ANKH: variants seen among roughly 807,000 people sequenced by gnomAD.
ANKH encodes the protein ANKH inorganic pyrophosphate transport regulator.
A neutral mutation model predicts 49.0 loss-of-function variants in ANKH; 15 were observed. The ratio of observed to expected loss-of-function variants is 0.31; its 90% confidence interval spans 0.20 to 0.47. The LOEUF (loss-of-function observed/expected upper bound fraction) is 0.47. Ranked by LOEUF, ANKH falls within the 20% of genes least tolerant of loss-of-function variation. The probability of loss-of-function intolerance (pLI) is 1.00; values close to 1 mark genes in which losing one functional copy is unlikely to be tolerated. For missense variants in ANKH, 429 were observed against 652.0 expected, an observed-to-expected ratio of 0.66 and a Z score of 3.72; for synonymous variants, 273 against 260.0, an observed-to-expected ratio of 1.05 and a Z score of -0.48.
rs1297043788 is a variant in ANKH at position 14,871,534 on chromosome 5, A to ACGGGGCGT, written c.-88_-87insACGCCCCG. On this transcript the variant is annotated 5_prime_UTR_variant, in exon 1 of 12. Transcript: ENST00000284268. ...CGAGGGGCGACGGGGCGACGGGGCGAGCGGGGCGCGGGCCGACAGAGGCCG... is the reference window on the plus strand; with the variant it reads ...CGAGGGGCGACGGGGCGACGGGGCGACGGGGCGTGCGGGGCGCGGGCCGACAGAGGCCG... 444 of 920,700 alleles carry ACGGGGCGT rather than the reference A, an allele frequency of 4.8e-4. 1 individual carries two copies. The highest frequency in any genetic ancestry group is 1.3e-3 in the South Asian group (78 of 58,012). 57.0% of individuals were successfully genotyped at this position (920,700 alleles called of 1,614,324 possible).
intron 1 of ANKH, among the ~76,000 whole-genome samples, chr5:14,786,654 TTAAAA>T (rs1406561311): frequency 2.6e-5 from 4 of 152,138 alleles, no homozygotes; most frequent in Non-Finnish European, 5.9e-5. Flanking sequence ...ATTTTAAAAA[TTAAAA>T]TAAATGGTAA....
intron 1 of ANKH, among the ~76,000 whole-genome samples, chr5:14,858,754 TAAATAA>T (rs1316143528): frequency 1.0e-4 from 10 of 96,286 alleles, no homozygotes; most frequent in East Asian, 3.3e-4. Flanking sequence ...AATAAATAAA[TAAATAA>T]AATAAAATAA....
rs1353423989 is a variant in ANKH at position 14,770,340 on chromosome 5, C to G, written c.97-1149G>C. Among the ~76,000 whole-genome samples the G allele has an allele frequency of 1.3e-5, 2 of 152,082 alleles. No homozygotes were observed. Among genetic ancestry groups the G allele is most frequent in the African/African-American group, 2.4e-5 (1 of 41,392 alleles). On this transcript the variant is annotated intron_variant, in intron 1 of 11. Coordinates refer to ENST00000284268, the MANE Select transcript of ANKH (RefSeq NM_054027.6). This position sits in a 1 kb window ranked among gnomAD's most constrained non-coding sequence, Gnocchi z 4.1. ...TATTACTCAAAGACCAGACAGTAGT[C>G]CCCCCTTATCCTTAGGGGATACATT...
At chr5:14,793,079 A>T (rs1740254385) in intron 1 of ANKH, among the ~76,000 whole-genome samples, 1 of 118,788 alleles carries the variant, frequency 8.4e-6, no homozygotes, top group Non-Finnish European at 1.7e-5. Context: ...AAATATATAA[A>T]AATATATATA....
chr5:14,802,649 G>A (rs1328955367), intron 1 of ANKH, among the ~76,000 whole-genome samples: 2 of 151,738 alleles, frequency 1.3e-5, no homozygotes, highest in Non-Finnish European at 1.5e-5. Flanking sequence ...CTAGATTCCA[G>A]ACACAAGGCG....
At chr5:14,799,949 A>T (rs1740519461) in intron 1 of ANKH, among the ~76,000 whole-genome samples, 1 of 152,172 alleles carries the variant, frequency 6.6e-6, no homozygotes, top group Non-Finnish European at 1.5e-5. Flanking sequence ...AGGATAGTGA[A>T]AACCTTCTGG....
At chr5:14,783,767 G>A (rs1036856931) in intron 1 of ANKH, among the ~76,000 whole-genome samples, 1 of 152,192 alleles carries the variant, frequency 6.6e-6, no homozygotes, top group African/African-American at 2.4e-5. Context: ...TAAAATTAAA[G>A]TGCTTTGAAA....
chr5:14,858,578 T>C (rs915178502), intron 1 of ANKH, among the ~76,000 whole-genome samples: 15 of 151,942 alleles, frequency 9.9e-5, no homozygotes, highest in African/African-American at 3.6e-4. Flanking sequence ...TAGCCAGGCA[T>C]GGTGGGTAAT....
At chr5:14,724,984 C>T (rs1173332043) in intron 8 of ANKH, among the ~76,000 whole-genome samples, 1 of 151,882 alleles carries the variant, frequency 6.6e-6, no homozygotes. Flanking sequence ...ACATATGCAG[C>T]TGTTTTGAAT....
intron 1 of ANKH, among the ~76,000 whole-genome samples, chr5:14,791,653 A>G (rs1171237311): frequency 6.6e-6 from 1 of 152,172 alleles, no homozygotes; most frequent in Non-Finnish European, 1.5e-5. Context: ...ATTTATCCTC[A>G]TTGAATTTGA....
At chr5:14,726,788 G>A (rs1737836723) in intron 8 of ANKH, among the ~76,000 whole-genome samples, 1 of 152,232 alleles carries the variant, frequency 6.6e-6, no homozygotes, top group African/African-American at 2.4e-5. Flanking sequence ...CCGAAAGCAG[G>A]CAATATGTGA....
chr5:14,836,500 A>G (rs930933792), intron 1 of ANKH, among the ~76,000 whole-genome samples: 2 of 152,224 alleles, frequency 1.3e-5, no homozygotes, highest in African/African-American at 2.4e-5. Context: ...CCAAATCATG[A>G]GTGAACTCCC....
intron 8 of ANKH, among the ~76,000 whole-genome samples, chr5:14,734,254 A>AC (rs1253277316): frequency 6.9e-6 from 1 of 144,234 alleles, no homozygotes; most frequent in Non-Finnish European, 1.5e-5. Flanking sequence ...CAAACCACTC[A>AC]CCCCCGTCAC....
At chr5:14,855,229 T>C (rs1333336198) in intron 1 of ANKH, among the ~76,000 whole-genome samples, 2 of 152,226 alleles carry the variant, frequency 1.3e-5, no homozygotes, top group Admixed American at 6.5e-5. Context: ...ATTCCTTCTA[T>C]AGGATCCCAG....
intron 1 of ANKH, among the ~76,000 whole-genome samples, chr5:14,814,811 T>TG (rs1740984038): frequency 1.3e-5 from 2 of 152,230 alleles, no homozygotes; most frequent in Non-Finnish European, 2.9e-5. Context: ...TAGCACCTCT[T>TG]GGAGTCAATC....
chr5:14,815,421 C>T (rs1329402731), intron 1 of ANKH, among the ~76,000 whole-genome samples: 1 of 152,176 alleles, frequency 6.6e-6, no homozygotes, highest in East Asian at 1.9e-4. Flanking sequence ...AAGAACACTG[C>T]CACTGCCTTG....
chr5:14,865,921 A>G (rs1735630900), intron 1 of ANKH, among the ~76,000 whole-genome samples: 1 of 152,236 alleles, frequency 6.6e-6, no homozygotes, highest in Non-Finnish European at 1.5e-5. Context: ...TATTCCAGGA[A>G]TTGTCACAAT....
intron 1 of ANKH, among the ~76,000 whole-genome samples, chr5:14,818,418 G>A (rs936617877): frequency 1.3e-5 from 2 of 151,928 alleles, no homozygotes; most frequent in Non-Finnish European, 2.9e-5. Context: ...GGCAGGTATG[G>A]ATCACCTGAG....
chr5:14,813,397 T>A (rs980007232), intron 1 of ANKH, among the ~76,000 whole-genome samples: 1 of 152,170 alleles, frequency 6.6e-6, no homozygotes, highest in South Asian at 2.1e-4. Flanking sequence ...TTAATGTGAA[T>A]TGTCATCTGA....
Sources: gnomAD v4.1 joint callset for allele counts (sites outside exome capture counted in the v4.1 genomes callset) on GRCh38, gnomAD v4.1.1 for gene constraint, Gnocchi (gnomAD v3.1) non-coding constraint, MANE v1.5 for transcripts, NCBI Gene and HGNC (gene_info 2026-07-23, HGNC 2026-07-21) for gene names.